Variants in C4orf50 observed in about 807,000 individuals in gnomAD.
C4orf50 encodes the protein chromosome 4 open reading frame 50.
Under a neutral mutation model 77.2 loss-of-function variants are expected in C4orf50, and 80 were observed. The observed-to-expected ratio is 1.04, with a 90% CI of 0.87 to 1.25. The LOEUF is 1.25. Ranked by LOEUF, C4orf50 falls within the 50% of genes most tolerant of loss-of-function variation. C4orf50 has a pLI of 0.00. For synonymous variants in C4orf50, 532 were observed against 465.3 expected (o/e 1.14, Z -1.84); for missense variants, 1,257 against 1,152.9 (o/e 1.09, Z -1.31).
At chr4:6,013,697 C>T (rs893489311) in intron 23 of C4orf50, among the ~76,000 whole-genome samples, 3 of 152,106 alleles carry the variant, frequency 2.0e-5, no homozygotes, top group Admixed American at 6.5e-5. Flanking sequence ...CACCAACACG[C>T]GATTGCATGC....
In C4orf50 at chr4:5,943,097, C is replaced by A. The variant is rs28651844; in HGVS notation, c.*2474+13804G>T. Among the ~76,000 whole-genome samples, 1,015 of 152,236 alleles carry A rather than the reference C, an allele frequency of 6.7e-3. 17 individuals are homozygous for A. Among genetic ancestry groups the A allele is most frequent in the African/African-American group, 0.023 (972 of 41,522 alleles). On this transcript the variant is annotated intron_variant, in intron 7 of 7. Coordinates refer to the C4orf50 transcript ENST00000324058. ...AGGATATTTGATTATCCTAGTGTTCCAGGCAGGATCTTGGAAAACTTCTAG... is the reference window on the plus strand; with the variant it reads ...AGGATATTTGATTATCCTAGTGTTCAAGGCAGGATCTTGGAAAACTTCTAG...
chr4:6,016,850 A>G (rs971066734), intron 23 of C4orf50, among the ~76,000 whole-genome samples: 12 of 152,246 alleles, frequency 7.9e-5, no homozygotes, highest in African/African-American at 1.2e-4. Context: ...TACACGTTCA[A>G]TGGTCTGCCT....
At chr4:6,010,217 C>T (rs1167503188) in intron 24 of C4orf50, among the ~76,000 whole-genome samples, 2 of 152,120 alleles carry the variant, frequency 1.3e-5, no homozygotes, top group African/African-American at 4.8e-5. Context: ...CCACTCAACG[C>T]CGCTCTACCT....
chr4:5,988,567 G>C, exon 28 of C4orf50: 2 of 1,536,814 alleles, frequency 1.3e-6, no homozygotes, highest in Non-Finnish European at 1.7e-6. Context: ...TGTCTGCCCT[G>C]CAGCCAGACT....
intron 7 of C4orf50, among the ~76,000 whole-genome samples, chr4:5,944,872 A>C (rs1450025328): frequency 6.6e-6 from 1 of 152,068 alleles, no homozygotes; most frequent in Non-Finnish European, 1.5e-5. Context: ...GAGGACTAAC[A>C]CTTCCAAGCA....
chr4:5,917,266 T>A (rs1717068226), intron 7 of C4orf50, among the ~76,000 whole-genome samples: 1 of 152,194 alleles, frequency 6.6e-6, no homozygotes, highest in Admixed American at 6.5e-5. Flanking sequence ...CTAGACATTT[T>A]AAATCTTTAA....
chr4:5,935,614 C>T (rs904494901), intron 7 of C4orf50, among the ~76,000 whole-genome samples: 4 of 151,658 alleles, frequency 2.6e-5, no homozygotes, highest in African/African-American at 4.8e-5. Flanking sequence ...AGTGAAACCC[C>T]GTCTGTACTA....
chr4:6,007,344 G>A lies in C4orf50; in HGVS notation c.963+652C>T, dbSNP rs761272506. Among the ~76,000 whole-genome samples the A allele has an allele frequency of 1.3e-5, 2 of 152,024 alleles. No individual in the cohort carries two copies. Among genetic ancestry groups the A allele is most frequent in the African/African-American group, 2.4e-5 (1 of 41,360 alleles). On this transcript the variant is annotated intron_variant, in intron 25 of 33. Transcript: ENST00000531445. The surrounding 1 kb of genome is among the most constrained non-coding windows in gnomAD (Gnocchi z 4.1). ...TGGGAGGTAATTAGGTCCTGAGGGT[G>A]GAGGCTTCATGAATGGTATTAGTAC...
chr4:5,998,539 A>G (rs1721696913), intron 25 of C4orf50, among the ~76,000 whole-genome samples: 1 of 152,204 alleles, frequency 6.6e-6, no homozygotes, highest in Admixed American at 6.5e-5. Flanking sequence ...CAGGGCATAG[A>G]GGCTGGCGGG....
At chr4:5,928,998 C>G (rs1018979259) in intron 7 of C4orf50, among the ~76,000 whole-genome samples, 2 of 152,192 alleles carry the variant, frequency 1.3e-5, no homozygotes, top group Non-Finnish European at 2.9e-5. Context: ...CATTGTCCCA[C>G]TCATCATTGC....
At chr4:5,906,546 CAG>C (rs1443827047) in intron 7 of C4orf50, among the ~76,000 whole-genome samples, 22 of 152,224 alleles carry the variant, frequency 1.4e-4, no homozygotes, top group African/African-American at 4.8e-4. Context: ...TGACAGTGTG[CAG>C]AGAGGGACCC....
Position 5,908,639 on chromosome 4 carries a change from T to G in C4orf50, c.*2475-10451A>C, listed in dbSNP as rs557180306. 1.3e-3 allele frequency among the ~76,000 whole-genome samples: 193 copies of G among 152,230 alleles called. 1 individual carries two copies. Among genetic ancestry groups the G allele is most frequent in the Non-Finnish European group, 2.1e-3 (145 of 68,008 alleles). ...TGGGGACACTAGTCCATGACCTACT[T>G]AGTTCCAGACCTTTGTGAAGACAAA... is the stretch of plus-strand genomic sequence containing the variant. On this transcript the variant is annotated intron_variant, in intron 7 of 7. Coordinates refer to the C4orf50 transcript ENST00000324058. This position sits in a 1 kb window ranked among gnomAD's most constrained non-coding sequence, Gnocchi z 5.6.
At chr4:5,904,870 C>T (rs1716483686) in intron 7 of C4orf50, 1 of 152,164 alleles carries the variant, frequency 6.6e-6, no homozygotes, top group South Asian at 2.1e-4. Context: ...CCTCATCACC[C>T]ATCTTGGATG....
intron 25 of C4orf50, among the ~76,000 whole-genome samples, chr4:5,998,206 C>A (rs1210665874): frequency 1.3e-5 from 2 of 152,174 alleles, no homozygotes; most frequent in Non-Finnish European, 2.9e-5. Flanking sequence ...GACAGATGTA[C>A]AGAAGAAAAC....
chr4:5,948,754 A>G (rs1360001131), intron 7 of C4orf50, among the ~76,000 whole-genome samples: 1 of 151,078 alleles, frequency 6.6e-6, no homozygotes, highest in African/African-American at 2.4e-5. Flanking sequence ...AGATTGTGCC[A>G]CTGCACTCCA....
chr4:5,920,765 A>C (rs1717230770), intron 7 of C4orf50, among the ~76,000 whole-genome samples: 1 of 152,188 alleles, frequency 6.6e-6, no homozygotes, highest in Admixed American at 6.5e-5. Context: ...CGTGAGCCAC[A>C]GCACCTGGCC....
At chr4:5,959,608 A>T in exon 34 of C4orf50, 1 of 1,613,500 alleles carries the variant, frequency 6.2e-7, no homozygotes, top group Non-Finnish European at 8.5e-7. Context: ...TCAAGCGTGG[A>T]CACCAAGGAC....
At chr4:5,974,427 T>C (rs981876788) in intron 30 of C4orf50, among the ~76,000 whole-genome samples, 2 of 142,564 alleles carry the variant, frequency 1.4e-5, no homozygotes, top group Non-Finnish European at 3.1e-5. Context: ...GCAGGAATTA[T>C]GACGATTTTT....
intron 30 of C4orf50, 110 bp from the exon 9 acceptor site, chr4:5,973,951 C>G (rs1234533413): frequency 1.2e-6 from 1 of 864,812 alleles, no homozygotes; most frequent in Non-Finnish European, 1.7e-6. Context: ...CATCCCCAGC[C>G]CTGCCTCAGC....
Sources: allele counts gnomAD v4.1 joint callset (sites outside exome capture counted in the v4.1 genomes callset), GRCh38; gene constraint gnomAD v4.1.1; non-coding constraint Gnocchi (gnomAD v3.1); transcripts MANE v1.5; gene names NCBI Gene and HGNC (gene_info 2026-07-23, HGNC 2026-07-21).